PCDHGA3: variants seen among roughly 807,000 people sequenced by gnomAD.
PCDHGA3 encodes the protein protocadherin gamma subfamily A, 3.
Under a neutral mutation model 58.5 loss-of-function variants are expected in PCDHGA3, and 40 were observed. The ratio of observed to expected loss-of-function variants is 0.68; its 90% confidence interval spans 0.53 to 0.89. The LOEUF is 0.89. Ranked by LOEUF, PCDHGA3 falls within the 40% of genes least tolerant of loss-of-function variation. PCDHGA3 has a pLI of 0.00. For missense variants in PCDHGA3, 1,223 were observed against 1,195.9 expected, an observed-to-expected ratio of 1.02 and a Z score of -0.33; for synonymous variants, 530 against 525.7, an observed-to-expected ratio of 1.01 and a Z score of -0.11.
intron 2 of PCDHGA3, 141 bp downstream of exon 2, chr5:141,495,006 G>A (rs1030195663): frequency 1.3e-6 from 2 of 1,521,564 alleles, no homozygotes; most frequent in Non-Finnish European, 1.8e-6. Flanking sequence ...CTTGGTGTGC[G>A]GGGGGCTGGC....
intron 1 of PCDHGA3, chr5:141,441,621 G>C (rs2098260273): frequency 9.0e-6 from 2 of 223,292 alleles, no homozygotes; most frequent in Non-Finnish European, 1.8e-5. Flanking sequence ...CGTGGCCAGT[G>C]ACCTGGAGCC....
intron 1 of PCDHGA3, chr5:141,433,225 G>A: frequency 6.6e-7 from 1 of 1,517,048 alleles, no homozygotes; most frequent in Non-Finnish European, 9.0e-7. Flanking sequence ...TTTTTTAATT[G>A]CTCTGTCTCC....
chr5:141,464,676 T>C (rs1337677151), intron 1 of PCDHGA3, among the ~76,000 whole-genome samples: 3 of 152,176 alleles, frequency 2.0e-5, no homozygotes, highest in Non-Finnish European at 2.9e-5. Context: ...ATAATTTTAA[T>C]TAAAATTTCT....
intron 1 of PCDHGA3, chr5:141,427,624 C>T (rs2097051687): frequency 1.4e-6 from 1 of 698,516 alleles, no homozygotes; most frequent in South Asian, 1.5e-5. Context: ...AACGACAATG[C>T]TCCGGTTTTC....
intron 1 of PCDHGA3, chr5:141,371,315 G>A: frequency 6.2e-7 from 1 of 1,613,958 alleles, no homozygotes; most frequent in Non-Finnish European, 8.5e-7. Context: ...TTGGAGAACT[G>A]GACTTTGAAG....
At chr5:141,473,738 C>T (rs755682627) in intron 1 of PCDHGA3, among the ~76,000 whole-genome samples, 2 of 152,310 alleles carry the variant, frequency 1.3e-5, no homozygotes, top group Non-Finnish European at 2.9e-5. Flanking sequence ...AGGGAGAAGA[C>T]ATGAGAACTT....
At chr5:141,384,417 C>CATGGAG (rs1451567690) in intron 1 of PCDHGA3, 1 of 1,613,844 alleles carries the variant, frequency 6.2e-7, no homozygotes, top group East Asian at 2.2e-5. Flanking sequence ...CCTATGTCTC[C>CATGGAG]ATAAACTCTG....
Position 141,431,051 on chromosome 5 carries a change from G to C in PCDHGA3, c.2425-63756G>C, listed in dbSNP as rs1280440001. On this transcript the variant is annotated intron_variant, in intron 1 of 3. Coordinates refer to ENST00000253812, the MANE Select transcript of PCDHGA3 (RefSeq NM_018916.4). This position sits in a 1 kb window ranked among gnomAD's most constrained non-coding sequence, Gnocchi z 4.8. ...GATAGACCGGGAGGAGCTCTGTATGGGGGCCATCAAGTGTCAATTAAATCT... is the reference window on the plus strand; with the variant it reads ...GATAGACCGGGAGGAGCTCTGTATGCGGGCCATCAAGTGTCAATTAAATCT... 3 of 1,614,218 alleles carry C rather than the reference G, an allele frequency of 1.9e-6. No homozygotes were observed. Among genetic ancestry groups the C allele is most frequent in the East Asian group, 2.2e-5 (1 of 44,886 alleles).
At position 141,421,580 on chromosome 5, in the gene PCDHGA3, A is replaced by G. The variant is rs375319424; in HGVS notation, c.2425-73227A>G. ...CTCGTGGAAGACACCTTGAAGATTT[A>G]CGGAGTGGAGGTGGAAATAATAGAT... On this transcript the variant is annotated intron_variant, in intron 1 of 3. Transcript: ENST00000253812. The G allele has an allele frequency of 1.1e-5, 17 of 1,613,782 alleles. No individual in the cohort carries two copies. In the East Asian group the frequency reaches 2.7e-4, roughly 25 times the overall value.
At chr5:141,508,295 G>C (rs989632251) in intron 3 of PCDHGA3, 5 of 152,202 alleles carry the variant, frequency 3.3e-5, no homozygotes, top group Non-Finnish European at 7.3e-5. Context: ...TGGGCCTTGG[G>C]GGGAGTGGGG....
At chr5:141,419,306 C>T in intron 1 of PCDHGA3, 1 of 1,614,032 alleles carries the variant, frequency 6.2e-7, no homozygotes, top group Non-Finnish European at 8.5e-7. Context: ...AGACTTCGGG[C>T]TCAACGGCCG....
At chr5:141,384,245 C>T (rs776707376) in intron 1 of PCDHGA3, 6 of 1,613,890 alleles carry the variant, frequency 3.7e-6, no homozygotes, top group Non-Finnish European at 5.1e-6. Context: ...AACGATAACC[C>T]ACCCACCTTC....
intron 1 of PCDHGA3, among the ~76,000 whole-genome samples, chr5:141,380,761 A>G (rs952416806): frequency 6.6e-6 from 1 of 152,224 alleles, no homozygotes; most frequent in African/African-American, 2.4e-5. Flanking sequence ...GACACTATAA[A>G]TTAATTGAGA....
chr5:141,419,151 C>G, intron 1 of PCDHGA3: 3 of 1,613,918 alleles, frequency 1.9e-6, no homozygotes, highest in Non-Finnish European at 1.7e-6. Flanking sequence ...GGCAAGCCTC[C>G]GTTATCCTCC....
chr5:141,393,473 G>A (rs1190605709), intron 1 of PCDHGA3: 1 of 1,614,044 alleles, frequency 6.2e-7, no homozygotes, highest in East Asian at 2.2e-5. Flanking sequence ...GCGGCAAGCC[G>A]CCTCGCTCTA....
At chr5:141,350,692 A>C in intron 1 of PCDHGA3, 2 of 1,612,684 alleles carry the variant, frequency 1.2e-6, no homozygotes, top group Non-Finnish European at 1.7e-6. Flanking sequence ...AGTCAGCCTT[A>C]CCCGGGGTAA....
rs1015619417 is a variant in PCDHGA3 at position 141,455,526 on chromosome 5, C to T, written c.2425-39281C>T. Among the ~76,000 whole-genome samples the T allele has an allele frequency of 2.0e-5, 3 of 152,106 alleles. 1 individual carries two copies. Among genetic ancestry groups the T allele is most frequent in the South Asian group, 4.1e-4 (2 of 4,826 alleles). ...CATAGGGCTCAGGGGATTGGTTTGA[C>T]CAGGCATATCATTCACGTAGCCCGA... On this transcript the variant is annotated intron_variant, in intron 1 of 3. Coordinates refer to ENST00000253812, the MANE Select transcript of PCDHGA3 (RefSeq NM_018916.4).
In PCDHGA3 at chr5:141,345,941, C is replaced by A. The variant is rs772670164; in HGVS notation, c.1908C>A (p.Asp636Glu). Residue 636 changes from aspartate to glutamate, a missense_variant, in exon 1 of 4, where the codon GAC (aspartate) becomes GAA (glutamate). Transcript: ENST00000253812. ...VRTARALLDR[D>E]ALKQSLVVAV... is the part of the protein sequence containing the mutation. ...CGGCGCGAGCCCTGCTGGACAGAGA[C>A]GCGCTCAAGCAGAGCCTCGTGGTGG... 6.2e-7 allele frequency: 1 copy of A among 1,613,582 alleles called. No individual in the cohort carries two copies. The highest frequency in any genetic ancestry group is 8.5e-7 in the Non-Finnish European group (1 of 1,179,878).
chr5:141,430,617 C>G, intron 1 of PCDHGA3: 1 of 715,450 alleles, frequency 1.4e-6, no homozygotes, highest in South Asian at 3.9e-5. Context: ...AAGCAGATAG[C>G]TAGGAATGAA....
Sources: gnomAD v4.1 joint callset for allele counts (sites outside exome capture counted in the v4.1 genomes callset) on GRCh38, gnomAD v4.1.1 for gene constraint, Gnocchi (gnomAD v3.1) non-coding constraint, MANE v1.5 for transcripts, NCBI Gene and HGNC (gene_info 2026-07-23, HGNC 2026-07-21) for gene names.